DYNC1I1: variants seen among roughly 807,000 people sequenced by gnomAD.
DYNC1I1 encodes dynein cytoplasmic 1 intermediate chain 1.
A neutral mutation model predicts 86.6 loss-of-function variants in DYNC1I1; 43 were observed. The observed-to-expected ratio is 0.50, with a 90% CI of 0.39 to 0.64. The LOEUF is 0.64. Among genes scored for constraint, DYNC1I1 ranks in the 30% least tolerant of loss-of-function variants. The pLI is 0.00. For missense variants in DYNC1I1, 604 were observed against 788.8 expected (o/e 0.77, Z 2.81); for synonymous variants, 262 against 283.7 (o/e 0.92, Z 0.77).
At chr7:95,945,929 T>A (rs1056442316) in intron 6 of DYNC1I1, among the ~76,000 whole-genome samples, 3 of 151,802 alleles carry the variant, frequency 2.0e-5, no homozygotes, top group Non-Finnish European at 4.4e-5. Flanking sequence ...ATAGACTGAA[T>A]AAAGAAAATG....
Position 96,094,127 on chromosome 7 carries a change from AC to A in DYNC1I1, c.1777-3355del, listed in dbSNP as rs573215352. ...ATTCACACAGTTTGACCTACAAAAA[AC>A]ATAATTAATTTTTGTCTGTATTTCA... On this transcript the variant is annotated intron_variant, in intron 16 of 16. Coordinates refer to ENST00000447467, the MANE Select transcript of DYNC1I1 (RefSeq NM_001135556.2). Among the ~76,000 whole-genome samples, 15 of 152,292 alleles carry A rather than the reference AC, an allele frequency of 9.8e-5. No homozygotes were observed. In the South Asian group the frequency reaches 3.1e-3, roughly 32 times the overall value.
chr7:95,925,835 C>T (rs553753286), intron 6 of DYNC1I1, among the ~76,000 whole-genome samples: 1 of 152,238 alleles, frequency 6.6e-6, no homozygotes, highest in African/African-American at 2.4e-5. Flanking sequence ...TAAAATAATG[C>T]TTTAAACGTT....
At chr7:95,885,125 C>T (rs1584126346) in intron 6 of DYNC1I1, among the ~76,000 whole-genome samples, 2 of 152,142 alleles carry the variant, frequency 1.3e-5, no homozygotes, top group East Asian at 3.8e-4. Flanking sequence ...TTCTCCTGAT[C>T]TGAATGGCAT....
At chr7:95,836,582 C>G (rs1416843454) in intron 5 of DYNC1I1, among the ~76,000 whole-genome samples, 2 of 151,276 alleles carry the variant, frequency 1.3e-5, no homozygotes, top group Non-Finnish European at 3.0e-5. Flanking sequence ...TGGTTCCATT[C>G]TCCCCGTCAC....
intron 5 of DYNC1I1, among the ~76,000 whole-genome samples, chr7:95,846,063 T>C (rs1324956653): frequency 6.6e-6 from 1 of 152,174 alleles, no homozygotes; most frequent in East Asian, 1.9e-4. Context: ...AATTCTATAA[T>C]TTTATAGTTT....
intron 6 of DYNC1I1, among the ~76,000 whole-genome samples, chr7:95,895,431 A>T (rs1790856827): frequency 1.3e-5 from 2 of 152,154 alleles, no homozygotes; most frequent in South Asian, 4.1e-4. Flanking sequence ...TTGTACGAGG[A>T]TCAGCTTCGA....
chr7:95,891,917 C>T (rs185293201), intron 6 of DYNC1I1, among the ~76,000 whole-genome samples: 2 of 152,000 alleles, frequency 1.3e-5, no homozygotes, highest in East Asian at 3.9e-4. Flanking sequence ...TGGTTATTGT[C>T]CCCTACACAG....
chr7:96,017,554 T>C (rs982470031), intron 10 of DYNC1I1, among the ~76,000 whole-genome samples: 1 of 152,172 alleles, frequency 6.6e-6, no homozygotes, highest in African/African-American at 2.4e-5. Flanking sequence ...AATATGACCA[T>C]TTTGCTGAAG....
In DYNC1I1 at chr7:96,009,034, TTATC is replaced by T. The variant is rs202154749; in HGVS notation, c.969+12967_969+12970del. Among the ~76,000 whole-genome samples the T allele has an allele frequency of 1.1e-3, 167 of 152,338 alleles. 2 individuals carry two copies. In the East Asian group the frequency reaches 0.031, roughly 29 times the overall value. ...AACATCAAATTTGTTTTCCATCTAT[TTATC>T]TATCTGTTTATCTGTCTATCTAGCA... On this transcript the variant is annotated intron_variant, in intron 10 of 16. Transcript: ENST00000447467.
At chr7:95,976,348 C>T (rs1349234179) in intron 6 of DYNC1I1, among the ~76,000 whole-genome samples, 1 of 152,108 alleles carries the variant, frequency 6.6e-6, no homozygotes, top group Admixed American at 6.5e-5. Context: ...GATATTCCTA[C>T]CACAAATCAC....
chr7:95,874,423 C>A (rs1790250896), intron 6 of DYNC1I1, among the ~76,000 whole-genome samples: 1 of 151,966 alleles, frequency 6.6e-6, no homozygotes, highest in South Asian at 2.1e-4. Context: ...ATATGAGATA[C>A]TTGATAGAAT....
At chr7:96,101,493 T>G (rs940716271), downstream of DYNC1I1, among the ~76,000 whole-genome samples, 41 of 152,274 alleles carry the variant, frequency 2.7e-4, no homozygotes, top group African/African-American at 9.6e-4. Context: ...CAAAAGGACC[T>G]ATGGGCATTT....
intron 16 of DYNC1I1, among the ~76,000 whole-genome samples, chr7:96,095,073 C>G (rs903880197): frequency 3.3e-5 from 5 of 152,112 alleles, no homozygotes; most frequent in African/African-American, 1.2e-4. Flanking sequence ...TATTACAGCA[C>G]TATTACTCCC....
At chr7:95,811,357 G>A (rs1256603556) in intron 3 of DYNC1I1, among the ~76,000 whole-genome samples, 1 of 151,954 alleles carries the variant, frequency 6.6e-6, no homozygotes, top group Non-Finnish European at 1.5e-5. Flanking sequence ...AATAAATACA[G>A]TATTCAGATC....
In DYNC1I1 at chr7:95,869,945, T is replaced by A. The variant is rs755268981; in HGVS notation, c.437T>A (p.Val146Glu). ...CAAGTGGATTTCCTGCCAAGGGAAG[T>A]AGTGTCCTACTCAAAGGAGACCCAG... ...VTQVDFLPRE[V>E]VSYSKETQTP... Residue 146 changes from valine to glutamate, a missense_variant, in exon 6 of 17, where the codon GTA becomes GAA. Coordinates refer to ENST00000447467, the MANE Select transcript of DYNC1I1 (RefSeq NM_001135556.2). 5.0e-6 allele frequency: 8 copies of A among 1,613,928 alleles called. No homozygotes were observed. Among genetic ancestry groups the A allele is most frequent in the Admixed American group, 3.3e-5 (2 of 60,000 alleles).
At chr7:95,870,944 A>G (rs1790147027) in intron 6 of DYNC1I1, among the ~76,000 whole-genome samples, 1 of 152,182 alleles carries the variant, frequency 6.6e-6, no homozygotes, top group African/African-American at 2.4e-5. Context: ...GTGGGTGAAG[A>G]GGATGTTGGA....
intron 6 of DYNC1I1, among the ~76,000 whole-genome samples, chr7:95,914,406 G>T (rs901850006): frequency 1.3e-5 from 2 of 152,164 alleles, no homozygotes; most frequent in Non-Finnish European, 2.9e-5. Context: ...AATTTAAAAA[G>T]AAAGCTCAAA....
chr7:95,858,848 A>G (rs1473787503), intron 5 of DYNC1I1, among the ~76,000 whole-genome samples: 1 of 149,070 alleles, frequency 6.7e-6, no homozygotes, highest in Non-Finnish European at 1.5e-5. Flanking sequence ...TGTGAATCCC[A>G]TAAGCTTTCT....
chr7:95,784,357 T>C lies in DYNC1I1; in HGVS notation c.-10+11584T>C, dbSNP rs376871707. ...GCATTCTGCTTGTTTGATTCCAGAA[T>C]GTTAAAATGTCCATGTGCTTGGGGC... is the stretch of plus-strand genomic sequence containing the variant. On this transcript the variant is annotated intron_variant, in intron 1 of 16. Coordinates refer to ENST00000447467, the MANE Select transcript of DYNC1I1 (RefSeq NM_001135556.2). Among the ~76,000 whole-genome samples the C allele has an allele frequency of 2.5e-4, 38 of 152,164 alleles. 1 individual carries two copies. The highest frequency in any genetic ancestry group is 1.3e-3 in the Admixed American group (20 of 15,278).
Sources: allele counts gnomAD v4.1 joint callset (sites outside exome capture counted in the v4.1 genomes callset), GRCh38; gene constraint gnomAD v4.1.1; transcripts MANE v1.5; gene names NCBI Gene and HGNC (gene_info 2026-07-23, HGNC 2026-07-21).